DRC8: variants seen among roughly 807,000 people sequenced by gnomAD.
The protein encoded by DRC8 is dynein regulatory complex subunit 8.
the DRC8 span, among the ~76,000 whole-genome samples, chr1:244,978,491 CA>C: frequency 0.1 from 13,197 of 129,740 alleles, 722 homozygotes; most frequent in East Asian, 0.24. Context: ...AACTCCGTCT[CA>C]AAAAAAAAAA....
chr1:245,057,340 G>A, the DRC8 span, among the ~76,000 whole-genome samples: 3 of 152,178 alleles, frequency 2.0e-5, no homozygotes, highest in Non-Finnish European at 2.9e-5. Flanking sequence ...AATTTTGCAC[G>A]AGCCTAATAA....
chr1:245,058,787 G>T, the DRC8 span, among the ~76,000 whole-genome samples: 1 of 152,204 alleles, frequency 6.6e-6, no homozygotes, highest in Non-Finnish European at 1.5e-5. Flanking sequence ...TCGCTGCTCT[G>T]CCAGGAGATG....
the DRC8 span, among the ~76,000 whole-genome samples, chr1:245,120,852 A>C: frequency 6.6e-6 from 1 of 152,274 alleles, no homozygotes; most frequent in African/African-American, 2.4e-5. Flanking sequence ...TTACCAGTTA[A>C]AAGCAATGTT....
At chr1:245,002,753 A>ATTTTTTTTTT in the DRC8 span, among the ~76,000 whole-genome samples, 1 of 144,680 alleles carries the variant, frequency 6.9e-6, no homozygotes, top group Non-Finnish European at 1.5e-5. Flanking sequence ...TTTCTGGAAG[A>ATTTTTTTTTT]TTTTTTTTTT....
the DRC8 span, among the ~76,000 whole-genome samples, chr1:244,984,016 C>G: frequency 2.0e-5 from 3 of 151,730 alleles, no homozygotes; most frequent in South Asian, 4.2e-4. Flanking sequence ...GTGCAGTGGC[C>G]CAATCTTAGC....
chr1:244,973,562 T>C, the DRC8 span, among the ~76,000 whole-genome samples: 1 of 152,246 alleles, frequency 6.6e-6, no homozygotes, highest in East Asian at 1.9e-4. Flanking sequence ...AAAACTCGTT[T>C]TAGGTCTCTT....
chr1:245,063,043 C>T, the DRC8 span, among the ~76,000 whole-genome samples: 2 of 152,216 alleles, frequency 1.3e-5, no homozygotes, highest in African/African-American at 2.4e-5. Flanking sequence ...GTGCCTTTCT[C>T]ACCAGCCTGA....
At chr1:245,105,111 G>A in the DRC8 span, among the ~76,000 whole-genome samples, 11 of 152,250 alleles carry the variant, frequency 7.2e-5, no homozygotes, top group African/African-American at 1.9e-4. Context: ...CTCGATCAAT[G>A]TCAAGTTCAG....
the DRC8 span, chr1:245,017,394 C>A: frequency 6.9e-7 from 1 of 1,444,368 alleles, no homozygotes; most frequent in Non-Finnish European, 9.3e-7. Context: ...TACAAGAGAG[C>A]TATTTTCTCT....
At chr1:245,028,457 T>C in the DRC8 span, among the ~76,000 whole-genome samples, 1 of 152,204 alleles carries the variant, frequency 6.6e-6, no homozygotes, top group Non-Finnish European at 1.5e-5. Context: ...GATGCCCAAT[T>C]TATTTTATCT....
chr1:245,047,054 C>G, the DRC8 span, among the ~76,000 whole-genome samples: 6 of 152,324 alleles, frequency 3.9e-5, no homozygotes, highest in African/African-American at 1.4e-4. Flanking sequence ...CTTCCAGCAG[C>G]AGGGAGCCAC....
chr1:245,033,109 G>A, the DRC8 span, among the ~76,000 whole-genome samples: 3 of 152,194 alleles, frequency 2.0e-5, no homozygotes, highest in African/African-American at 4.8e-5. Flanking sequence ...CTCACAGCAC[G>A]GCTAGTCCGG....
At chr1:245,113,001 G>A in the DRC8 span, among the ~76,000 whole-genome samples, 1,935 of 152,236 alleles carry the variant, frequency 0.013, 50 homozygotes, top group African/African-American at 0.043. Context: ...TGATCCACCT[G>A]CCTCGGCCTC....
At chr1:245,026,647 A>T in the DRC8 span, among the ~76,000 whole-genome samples, 2 of 152,234 alleles carry the variant, frequency 1.3e-5, no homozygotes, top group Admixed American at 1.3e-4. Context: ...ATAAGAAATG[A>T]ATTGTAAAAA....
the DRC8 span, among the ~76,000 whole-genome samples, chr1:244,993,038 A>C: frequency 2.6e-5 from 4 of 152,198 alleles, no homozygotes; most frequent in East Asian, 7.7e-4. Flanking sequence ...TTGACTGTAC[A>C]TGCAACATTG....
At chr1:245,019,928 G>A in the DRC8 span, among the ~76,000 whole-genome samples, 10 of 152,190 alleles carry the variant, frequency 6.6e-5, no homozygotes, top group Non-Finnish European at 1.2e-4. Context: ...TTGCACCACT[G>A]CACTCCAGCC....
chr1:245,110,314 G>T, the DRC8 span, among the ~76,000 whole-genome samples: 1 of 152,184 alleles, frequency 6.6e-6, no homozygotes. Flanking sequence ...AACCCAGGAG[G>T]TGGAGGTTGC....
At chr1:245,014,031 CA>C in the DRC8 span, among the ~76,000 whole-genome samples, 7 of 93,142 alleles carry the variant, frequency 7.5e-5, no homozygotes, top group Non-Finnish European at 9.7e-5. Context: ...GACTCCATCT[CA>C]AAAAAAAAAA....
At chr1:245,055,768 T>G in the DRC8 span, among the ~76,000 whole-genome samples, 1 of 152,208 alleles carries the variant, frequency 6.6e-6, no homozygotes, top group African/African-American at 2.4e-5. Flanking sequence ...TCTCTTAGGT[T>G]TATTTGCTCT....
Sources: gnomAD v4.1 joint callset for allele counts (sites outside exome capture counted in the v4.1 genomes callset) on GRCh38, gnomAD v4.1.1 for gene constraint, MANE v1.5 for transcripts, NCBI Gene and HGNC (gene_info 2026-07-23, HGNC 2026-07-21) for gene names.